The following PTPN14 variants were observed in gnomAD, a reference collection of about 807,000 sequenced individuals.
PTPN14 encodes protein tyrosine phosphatase non-receptor type 14.
A neutral mutation model predicts 126.8 loss-of-function variants in PTPN14; 53 were observed. That is an observed-to-expected ratio of 0.42 (90% confidence interval 0.34 to 0.53). The LOEUF (loss-of-function observed/expected upper bound fraction) is 0.53. Ranked by LOEUF, PTPN14 falls within the 20% of genes least tolerant of loss-of-function variation. The probability of loss-of-function intolerance (pLI) is 0.08; values close to 1 mark genes in which losing one functional copy is unlikely to be tolerated. For missense variants in PTPN14, 1,257 were observed against 1,552.9 expected (o/e 0.81, Z 3.20); for synonymous variants, 630 against 599.3 (o/e 1.05, Z -0.75).
At chr1:214,400,539 C>G (rs932529252) in intron 7 of PTPN14, among the ~76,000 whole-genome samples, 1 of 152,178 alleles carries the variant, frequency 6.6e-6, no homozygotes, top group Admixed American at 6.5e-5. Flanking sequence ...CTGTTTCTCG[C>G]AGTCCACATT....
rs1200421581 is a variant in PTPN14 at position 214,402,973 on chromosome 1, T to C, written c.511-20A>G. 1.2e-6 allele frequency: 2 copies of C among 1,612,002 alleles called. No homozygotes were observed. Among genetic ancestry groups the C allele is most frequent in the South Asian group, 1.1e-5 (1 of 91,028 alleles). ...CAAATCCTATAAGAATAGAAAGTGC[T>C]TAAGGTCACATGAGGGTGTGGGCAT... On this transcript the variant is annotated intron_variant, in intron 5 of 18. Coordinates refer to ENST00000366956, the MANE Select transcript of PTPN14 (RefSeq NM_005401.5).
At chr1:214,520,065 A>AAATATATATATATATAT in intron 1 of PTPN14, among the ~76,000 whole-genome samples, 9 of 71,114 alleles carry the variant, frequency 1.3e-4, no homozygotes, top group Admixed American at 1.6e-4. Flanking sequence ...AAAAAAAAAA[A>AAATATATATATATATAT]ATATATATAT....
intron 3 of PTPN14, among the ~76,000 whole-genome samples, chr1:214,417,886 G>C (rs1430711910): frequency 1.3e-5 from 2 of 152,106 alleles, no homozygotes; most frequent in Non-Finnish European, 2.9e-5. Context: ...ACAGGAGAGA[G>C]CCATGTAAAA....
At chr1:214,505,264 G>A (rs531540863) in intron 1 of PTPN14, among the ~76,000 whole-genome samples, 1 of 152,250 alleles carries the variant, frequency 6.6e-6, no homozygotes, top group East Asian at 1.9e-4. Context: ...GTGACCAGCA[G>A]GAGGAGAACC....
At chr1:214,514,694 ACTC>A (rs1655058226) in intron 1 of PTPN14, among the ~76,000 whole-genome samples, 1 of 151,752 alleles carries the variant, frequency 6.6e-6, no homozygotes, top group Non-Finnish European at 1.5e-5. Context: ...ATGTGTGCCA[ACTC>A]CTCCATCATC....
At chr1:214,533,234 A>C (rs917973115) in intron 1 of PTPN14, 4 of 654,530 alleles carry the variant, frequency 6.1e-6, no homozygotes, top group African/African-American at 1.8e-5. Context: ...GCCCAGACCC[A>C]GGAAGAGGCG....
In PTPN14 at chr1:214,418,036, G is replaced by T. The variant is rs141380656; in HGVS notation, c.345-3310C>A. Reference sequence around the variant, plus strand: ...AAATGTCTGCTGCCTTCCCAACAGGGTCATGCCTGCCTACCTCATTACTCC... The same window carrying T: ...AAATGTCTGCTGCCTTCCCAACAGGTTCATGCCTGCCTACCTCATTACTCC... On this transcript the variant is annotated intron_variant, in intron 3 of 18. Coordinates refer to ENST00000366956, the MANE Select transcript of PTPN14 (RefSeq NM_005401.5). Among the ~76,000 whole-genome samples, 78 of 152,310 alleles carry T rather than the reference G, an allele frequency of 5.1e-4. 1 individual carries two copies. The East Asian group carries it at 0.015, about 29-fold the overall frequency.
intron 1 of PTPN14, among the ~76,000 whole-genome samples, chr1:214,475,171 T>C (rs1302516703): frequency 2.6e-5 from 4 of 151,988 alleles, no homozygotes; most frequent in African/African-American, 9.7e-5. Flanking sequence ...AACAAAAAAA[T>C]TTACTAAATG....
At chr1:214,483,380 T>A in intron 1 of PTPN14, 1 of 1,609,730 alleles carries the variant, frequency 6.2e-7, no homozygotes, top group Admixed American at 1.7e-5. Context: ...TAGGATCGCC[T>A]TGATCATGGC....
chr1:214,515,015 T>C (rs1375571348), intron 1 of PTPN14, among the ~76,000 whole-genome samples: 1 of 152,176 alleles, frequency 6.6e-6, no homozygotes, highest in Non-Finnish European at 1.5e-5. Flanking sequence ...TCCACTGCCG[T>C]GACCGAGCAG....
intron 1 of PTPN14, among the ~76,000 whole-genome samples, chr1:214,511,744 T>C (rs974699861): frequency 6.6e-5 from 10 of 152,206 alleles, no homozygotes; most frequent in African/African-American, 2.2e-4. Flanking sequence ...GCATTATTCA[T>C]GGCAGGCAAA....
intron 3 of PTPN14, among the ~76,000 whole-genome samples, chr1:214,419,234 A>T (rs1408382438): frequency 6.6e-6 from 1 of 152,178 alleles, no homozygotes; most frequent in Non-Finnish European, 1.5e-5. Context: ...GGTTAGTGAA[A>T]GCACTCTGTA....
rs1173685485 is a variant in PTPN14, at chr1:214,355,359, T to C, written c.*2563A>G. 1.3e-5 allele frequency: 2 copies of C among 152,166 alleles called. No homozygotes were observed. The highest frequency in any genetic ancestry group is 3.8e-4 in the East Asian group (2 of 5,198). 9.4% of individuals were successfully genotyped at this position (152,166 alleles called of 1,614,324 possible). On this transcript the variant is annotated 3_prime_UTR_variant, in exon 19 of 19. Transcript: ENST00000366956. ...CTTAGAGATAAAAGATAAATACTGATGTTGTTCATCACGCAATAAACCAGT... is the reference window on the plus strand; with the variant it reads ...CTTAGAGATAAAAGATAAATACTGACGTTGTTCATCACGCAATAAACCAGT...
chr1:214,479,297 T>C (rs1274273763), intron 1 of PTPN14, among the ~76,000 whole-genome samples: 1 of 151,906 alleles, frequency 6.6e-6, no homozygotes, highest in Admixed American at 6.6e-5. Flanking sequence ...CAGTGAGCTA[T>C]TGCATCACTG....
chr1:214,542,106 C>T (rs937746723), intron 1 of PTPN14, among the ~76,000 whole-genome samples: 1 of 152,202 alleles, frequency 6.6e-6, no homozygotes, highest in East Asian at 1.9e-4. Flanking sequence ...TTACTACACA[C>T]ACACACATAT....
intron 5 of PTPN14, among the ~76,000 whole-genome samples, chr1:214,405,966 G>T (rs1210738668): frequency 1.3e-5 from 2 of 152,146 alleles, no homozygotes; most frequent in East Asian, 3.9e-4. Flanking sequence ...CCACGAGATT[G>T]CCAACCACAG....
chr1:214,472,643 C>T (rs1309982138), intron 1 of PTPN14, among the ~76,000 whole-genome samples: 2 of 152,252 alleles, frequency 1.3e-5, no homozygotes, highest in East Asian at 3.9e-4. Flanking sequence ...AATCTGGAAC[C>T]TTAGATGGGT....
chr1:214,382,803 A>G (rs570208480), intron 13 of PTPN14, among the ~76,000 whole-genome samples: 3 of 152,386 alleles, frequency 2.0e-5, no homozygotes, highest in Admixed American at 6.5e-5. Flanking sequence ...TCCAATTACT[A>G]TAATTTTCTT....
chr1:214,438,473 T>G (rs1438156831), intron 3 of PTPN14, among the ~76,000 whole-genome samples: 1 of 152,228 alleles, frequency 6.6e-6, no homozygotes, highest in East Asian at 1.9e-4. Flanking sequence ...ATTCCACTTT[T>G]GGGAATTGCC....
Sources: allele counts gnomAD v4.1 joint callset (sites outside exome capture counted in the v4.1 genomes callset), GRCh38; gene constraint gnomAD v4.1.1; transcripts MANE v1.5; gene names NCBI Gene and HGNC (gene_info 2026-07-23, HGNC 2026-07-21).